Variants in AKAP13 observed in about 807,000 individuals in gnomAD.
AKAP13 encodes A-kinase anchor protein 13.
In AKAP13, 80 loss-of-function variants were observed where a neutral mutation model predicts 264.5. The ratio of observed to expected loss-of-function variants is 0.30; its 90% confidence interval spans 0.25 to 0.36. The LOEUF (loss-of-function observed/expected upper bound fraction) is 0.36. Among genes scored for constraint, AKAP13 ranks in the 10% least tolerant of loss-of-function variants. The probability of loss-of-function intolerance (pLI) is 1.00; values close to 1 mark genes in which losing one functional copy is unlikely to be tolerated. For missense variants in AKAP13, 3,712 were observed against 3,435.2 expected (o/e 1.08, Z -2.01); for synonymous variants, 1,380 against 1,250.2 (o/e 1.10, Z -2.19).
At chr15:85,597,059 A>T (rs182874024) in intron 8 of AKAP13, among the ~76,000 whole-genome samples, 53 of 152,342 alleles carry the variant, frequency 3.5e-4, no homozygotes, top group African/African-American at 1.1e-3. Context: ...TTCCCTTTTG[A>T]TTTATGTAAA....
chr15:85,449,697 T>C (rs1005311105), intron 1 of AKAP13, among the ~76,000 whole-genome samples: 8 of 152,206 alleles, frequency 5.3e-5, no homozygotes, highest in African/African-American at 1.9e-4. Flanking sequence ...TTTTTATTAG[T>C]CTGTTTATGT....
At chr15:85,671,613 G>A (rs1284440000) in intron 14 of AKAP13, among the ~76,000 whole-genome samples, 1 of 146,960 alleles carries the variant, frequency 6.8e-6, no homozygotes, top group Non-Finnish European at 1.5e-5. Flanking sequence ...GACAGAAATA[G>A]CTTTTCCTGT....
At chr15:85,412,510 A>G (rs1038151204) in intron 1 of AKAP13, among the ~76,000 whole-genome samples, 4 of 152,218 alleles carry the variant, frequency 2.6e-5, no homozygotes, top group African/African-American at 9.6e-5. Context: ...GTTATTTTTC[A>G]TAAAAGTATG....
At chr15:85,654,088 G>C (rs1455300250) in intron 10 of AKAP13, among the ~76,000 whole-genome samples, 2 of 152,260 alleles carry the variant, frequency 1.3e-5, no homozygotes, top group Non-Finnish European at 2.9e-5. Flanking sequence ...TTAGGCACTA[G>C]AGGTTAGCCA....
chr15:85,744,247 A>G (rs765769650), intron 36 of AKAP13: 9 of 301,458 alleles, frequency 3.0e-5, no homozygotes, highest in Non-Finnish European at 1.2e-5. Flanking sequence ...GAGGCTAACT[A>G]ATGTGCCAGC....
chr15:85,529,044 G>A (rs554804318), intron 3 of AKAP13, among the ~76,000 whole-genome samples: 1 of 152,234 alleles, frequency 6.6e-6, no homozygotes, highest in South Asian at 2.1e-4. Context: ...CTGTTTTTAT[G>A]CAGAAAGTTA....
chr15:85,647,267 G>A (rs986789267), intron 10 of AKAP13, among the ~76,000 whole-genome samples: 25 of 152,084 alleles, frequency 1.6e-4, no homozygotes, highest in African/African-American at 4.6e-4. Flanking sequence ...GCATGGTGGC[G>A]CGTGCCTGTA....
chr15:85,702,143 G>A (rs1348480120), intron 17 of AKAP13: 3 of 152,178 alleles, frequency 2.0e-5, no homozygotes, highest in Non-Finnish European at 4.4e-5. Context: ...CTACTTGGGA[G>A]GCTGAGGCAG....
rs897282200 is a variant in AKAP13 at position 85,719,173 on chromosome 15, G to A, written c.6099G>A (p.Gln2033=). The A allele has an allele frequency of 1.2e-6, 2 of 1,614,100 alleles. No homozygotes were observed. Among genetic ancestry groups the A allele is most frequent in the African/African-American group, 1.3e-5 (1 of 74,920 alleles). ...TGGCGGATCTGCTTTTTGAGCAGCA[G>A]ATGGTAGAAAAGCTGTTCCCCTGTT... is the stretch of plus-strand genomic sequence containing the variant. The part of the protein sequence containing the change: ...GMMADLLFEQ[Q]MVEKLFPCLD... Residue 2033 remains glutamine (Q), a synonymous_variant, in exon 23 of 37, where the codon CAG becomes CAA. Transcript: ENST00000394518.
chr15:85,684,985 G>A (rs1419313983), intron 16 of AKAP13, 112 bp downstream of exon 16: 2 of 1,300,752 alleles, frequency 1.5e-6, no homozygotes, highest in African/African-American at 1.5e-5. Flanking sequence ...ATAAATTCAG[G>A]ATTACTCTCC....
intron 5 of AKAP13, among the ~76,000 whole-genome samples, chr15:85,574,856 CTAT>C (rs1410333538): frequency 6.6e-6 from 1 of 152,150 alleles, no homozygotes; most frequent in East Asian, 1.9e-4. Context: ...ATAATATTAA[CTAT>C]TATTAGATCC....
intron 1 of AKAP13, among the ~76,000 whole-genome samples, chr15:85,408,797 A>C (rs1242152410): frequency 1.3e-5 from 2 of 151,834 alleles, no homozygotes; most frequent in African/African-American, 4.9e-5. Context: ...GGGTGTACAG[A>C]CATCTTTCGA....
At chr15:85,670,935 G>C (rs1272464916) in intron 14 of AKAP13, 1 of 152,134 alleles carries the variant, frequency 6.6e-6, no homozygotes, top group Non-Finnish European at 1.5e-5. Context: ...CACAAAAAAG[G>C]CAACTTGTTC....
At chr15:85,532,135 G>A (rs997826527) in intron 3 of AKAP13, among the ~76,000 whole-genome samples, 4 of 151,936 alleles carry the variant, frequency 2.6e-5, no homozygotes, top group African/African-American at 9.7e-5. Flanking sequence ...ACTGTCAGAT[G>A]CCTGGCGTGT....
At chr15:85,438,551 T>C (rs544363961) in intron 1 of AKAP13, among the ~76,000 whole-genome samples, 1 of 146,602 alleles carries the variant, frequency 6.8e-6, no homozygotes, top group Admixed American at 6.8e-5. Context: ...GGCATCACAC[T>C]ACCTGACTTC....
At chr15:85,599,545 C>G (rs74025630) in intron 8 of AKAP13, among the ~76,000 whole-genome samples, 2,839 of 152,166 alleles carry the variant, frequency 0.019, 93 homozygotes, top group African/African-American at 0.065. Context: ...TGGTTTTGGT[C>G]TCATCTTGGG....
chr15:85,438,961 G>C (rs1468972781), intron 1 of AKAP13, among the ~76,000 whole-genome samples: 2 of 144,514 alleles, frequency 1.4e-5, no homozygotes, highest in African/African-American at 2.6e-5. Context: ...AGCCAAAATT[G>C]ACAAATGGGA....
chr15:85,569,980 G>A (rs1290577750), intron 5 of AKAP13, among the ~76,000 whole-genome samples: 2 of 150,336 alleles, frequency 1.3e-5, no homozygotes, highest in Non-Finnish European at 3.0e-5. Context: ...GGGAGGCTGA[G>A]GCAGGAGAAT....
chr15:85,399,535 A>AAAAAAAAAAT lies in AKAP13; in HGVS notation c.-12+18740_-12+18741insAAAAAATAAA, dbSNP rs1567038735. On this transcript the variant is annotated intron_variant, in intron 1 of 36. Coordinates refer to ENST00000394518, the MANE Select transcript of AKAP13 (RefSeq NM_007200.5). Reference sequence around the variant, plus strand: ...AAAAAAAAAAAAATAAAAAAATAAAAAAATAAATAAATAAATAAATAAAGT... The same window carrying AAAAAAAAAAT: ...AAAAAAAAAAAAATAAAAAAATAAAAAAAAAAAAATAAATAAATAAATAAATAAATAAAGT... Among the ~76,000 whole-genome samples the AAAAAAAAAAT allele has an allele frequency of 1.5e-3, 159 of 105,544 alleles. 1 individual carries two copies. Among genetic ancestry groups the AAAAAAAAAAT allele is most frequent in the African/African-American group, 3.1e-3 (75 of 24,566 alleles). 69.2% of individuals were successfully genotyped at this position (105,544 alleles called of 152,430 possible).
Sources: gnomAD v4.1 joint callset for allele counts (sites outside exome capture counted in the v4.1 genomes callset) on GRCh38, gnomAD v4.1.1 for gene constraint, MANE v1.5 for transcripts, NCBI Gene and HGNC (gene_info 2026-07-23, HGNC 2026-07-21) for gene names.